HOXA3: variants seen among roughly 807,000 people sequenced by gnomAD.
The protein encoded by HOXA3 is homeobox A3.
A neutral mutation model predicts 30.3 loss-of-function variants in HOXA3; 8 were observed. The observed-to-expected ratio is 0.26, with a 90% CI of 0.15 to 0.48. The LOEUF (loss-of-function observed/expected upper bound fraction) is 0.48. HOXA3 is among the 20% of genes least tolerant of loss of function. The pLI is 0.99. For missense variants in HOXA3, 653 were observed against 614.4 expected (o/e 1.06, Z -0.66); for synonymous variants, 323 against 273.1 (o/e 1.18, Z -1.80).
intron 2 of HOXA3, among the ~76,000 whole-genome samples, chr7:27,135,426 T>C (rs2128056926): frequency 6.6e-6 from 1 of 152,324 alleles, no homozygotes; most frequent in South Asian, 2.1e-4. Flanking sequence ...AAGCATTTTG[T>C]CACTGGCAGT....
rs376166790 is a variant in HOXA3, at chr7:27,108,038, C to G, written c.1209G>C (p.Pro403=). The stretch of plus-strand genomic sequence containing the variant: ...GCCCGTGGTGGTGGCCGCTGCCCAG[C>G]GGCCCGGCACCCCCATAGTCCATGG... ...SGAMDYGGAG[P]LGSGHHHGPG... The change falls in exon 6 of 6, where the codon CCG becomes CCC. Residue 403 remains proline, a synonymous_variant. Coordinates refer to ENST00000612286, the MANE Select transcript of HOXA3 (RefSeq NM_153631.3). This position sits in a 1 kb window ranked among gnomAD's most constrained non-coding sequence, Gnocchi z 5.0. The G allele has an allele frequency of 5.0e-6, 8 of 1,612,864 alleles. No homozygotes were observed. The highest frequency in any genetic ancestry group is 5.9e-6 in the Non-Finnish European group (7 of 1,179,278).
At chr7:27,118,116 C>G (rs1261575762) in intron 4 of HOXA3, among the ~76,000 whole-genome samples, 1 of 152,254 alleles carries the variant, frequency 6.6e-6, no homozygotes, top group African/African-American at 2.4e-5. Context: ...AGCCATAACT[C>G]ACTCTAGATA....
intron 1 of HOXA3, among the ~76,000 whole-genome samples, chr7:27,148,434 G>C (rs1314333147): frequency 6.6e-6 from 1 of 152,248 alleles, no homozygotes; most frequent in Non-Finnish European, 1.5e-5. Flanking sequence ...TTCTCCGCTA[G>C]CACCAGGGGC....
intron 4 of HOXA3, among the ~76,000 whole-genome samples, chr7:27,120,352 A>G (rs1201266504): frequency 6.6e-6 from 1 of 151,858 alleles, no homozygotes; most frequent in Non-Finnish European, 1.5e-5. Context: ...ACCAGCCTGA[A>G]CAACATGGTG....
chr7:27,131,098 C>T (rs1036366352), intron 2 of HOXA3, among the ~76,000 whole-genome samples: 15 of 152,094 alleles, frequency 9.9e-5, no homozygotes, highest in Non-Finnish European at 2.2e-4. Context: ...CTTTGGTTCC[C>T]GCTGGGAATT....
chr7:27,145,709 G>A (rs781019309), intron 1 of HOXA3: 6 of 1,614,212 alleles, frequency 3.7e-6, no homozygotes, highest in Non-Finnish European at 5.1e-6. Context: ...GCGTGGAATT[G>A]ATGAGCTTGT....
chr7:27,130,111 C>A, intron 2 of HOXA3: 1 of 1,595,476 alleles, frequency 6.3e-7, no homozygotes, highest in Non-Finnish European at 8.5e-7. Context: ...CAAGCGGCGC[C>A]ACGTACCGGC....
At chr7:27,148,252 G>A (rs1383571428) in intron 1 of HOXA3, among the ~76,000 whole-genome samples, 1 of 152,268 alleles carries the variant, frequency 6.6e-6, no homozygotes, top group African/African-American at 2.4e-5. Flanking sequence ...AGGTGGCTTT[G>A]CTCCCTGCCG....
chr7:27,132,258 A>G (rs528200911), intron 2 of HOXA3, among the ~76,000 whole-genome samples: 70 of 152,356 alleles, frequency 4.6e-4, no homozygotes, highest in African/African-American at 1.7e-3. Flanking sequence ...AGAGCAGTAT[A>G]AACAGCCTTC....
intron 2 of HOXA3, among the ~76,000 whole-genome samples, chr7:27,136,390 AC>A (rs1785715671): frequency 6.6e-6 from 1 of 152,204 alleles, no homozygotes; most frequent in African/African-American, 2.4e-5. Context: ...ATTCTATTTT[AC>A]AAGGAAAATT....
intron 2 of HOXA3, among the ~76,000 whole-genome samples, chr7:27,136,422 T>A (rs1388597535): frequency 6.6e-6 from 1 of 152,188 alleles, no homozygotes; most frequent in Non-Finnish European, 1.5e-5. Context: ...TGGGAGAACC[T>A]TGCAAAAAGT....
intron 5 of HOXA3, among the ~76,000 whole-genome samples, chr7:27,109,587 T>G (rs2128039237): frequency 6.6e-6 from 1 of 152,378 alleles, no homozygotes; most frequent in Middle Eastern, 3.4e-3. Flanking sequence ...CCAGGAGATC[T>G]TTGGCTGCTT....
chr7:27,143,174 G>T, intron 1 of HOXA3: 1 of 1,610,918 alleles, frequency 6.2e-7, no homozygotes, highest in South Asian at 1.1e-5. Flanking sequence ...TCCGGACGCC[G>T]TGCCAACCCC....
At chr7:27,142,783 C>G (rs1280573423) in intron 1 of HOXA3, 2 of 443,594 alleles carry the variant, frequency 4.5e-6, no homozygotes, top group East Asian at 3.6e-5. Flanking sequence ...GCGTGGGGTT[C>G]CAGAGGGGTT....
At chr7:27,136,864 C>G (rs1249932132) in intron 2 of HOXA3, among the ~76,000 whole-genome samples, 2 of 152,146 alleles carry the variant, frequency 1.3e-5, no homozygotes, top group Non-Finnish European at 2.9e-5. Context: ...ATGGCTGGGG[C>G]TGTGGATCCC....
chr7:27,130,361 C>T (rs933367182), intron 2 of HOXA3: 2 of 1,136,688 alleles, frequency 1.8e-6, no homozygotes, highest in Non-Finnish European at 2.2e-6. Flanking sequence ...TGCGCTGGGC[C>T]CTTGGCTTGC....
intron 1 of HOXA3, chr7:27,145,577 G>A: frequency 6.5e-7 from 1 of 1,534,062 alleles, no homozygotes; most frequent in Non-Finnish European, 8.8e-7. Context: ...AGCAGGCGGG[G>A]AGAAAAGTTG....
intron 1 of HOXA3, chr7:27,141,113 C>CAAAAAAAAAA (rs147485948): frequency 3.7e-4 from 31 of 82,912 alleles, no homozygotes; most frequent in African/African-American, 9.3e-4. Flanking sequence ...AAAACAAATA[C>CAAAAAAAAAA]AAAAAAAAAA....
At chr7:27,121,729 C>T (rs1239689850) in intron 4 of HOXA3, among the ~76,000 whole-genome samples, 1 of 152,158 alleles carries the variant, frequency 6.6e-6, no homozygotes, top group Non-Finnish European at 1.5e-5. Flanking sequence ...AAGAACAAAG[C>T]AAACTCATTC....
Sources: allele counts gnomAD v4.1 joint callset (sites outside exome capture counted in the v4.1 genomes callset), GRCh38; gene constraint gnomAD v4.1.1; non-coding constraint Gnocchi (gnomAD v3.1); transcripts MANE v1.5; gene names NCBI Gene and HGNC (gene_info 2026-07-23, HGNC 2026-07-21).